SMAD7: variants seen among roughly 807,000 people sequenced by gnomAD.
SMAD7 encodes the protein SMAD family member 7.
Under a neutral mutation model 38.7 loss-of-function variants are expected in SMAD7, and 8 were observed. The ratio of observed to expected loss-of-function variants is 0.21; its 90% confidence interval spans 0.12 to 0.37. The LOEUF (loss-of-function observed/expected upper bound fraction) is 0.37, where lower values mean the gene tolerates loss of function less well. Ranked by LOEUF, SMAD7 falls within the 10% of genes least tolerant of loss-of-function variation. The pLI is 1.00. For synonymous variants in SMAD7, 327 were observed against 265.1 expected (o/e 1.23, Z -2.27); for missense variants, 477 against 577.9 (o/e 0.83, Z 1.79).
rs1325228098 is a variant in SMAD7, at chr18:48,921,735, CTTG to C, written c.915_917del (p.Asn305del). 8 of 1,614,070 alleles carry C rather than the reference CTTG, an allele frequency of 5.0e-6. No homozygotes were observed. Among genetic ancestry groups the C allele is most frequent in the Non-Finnish European group, 6.8e-6 (8 of 1,180,054 alleles). On this transcript the variant is annotated inframe_deletion, in exon 4 of 4. Transcript: ENST00000262158. The surrounding 1 kb of genome is among the most constrained non-coding windows in gnomAD (Gnocchi z 6.4). ...TCCGCACCTTCTGCACCAGCTGACT[CTTG>C]TTGTCCGAATTGAGCTGTCCGAGGC...
In SMAD7 at chr18:48,948,406, C is replaced by T. The variant is rs201983335; in HGVS notation, c.645G>A (p.Pro215=). 95 of 1,600,526 alleles carry T rather than the reference C, an allele frequency of 5.9e-5. No individual in the cohort carries two copies. Among genetic ancestry groups the T allele is most frequent in the Non-Finnish European group, 7.6e-5 (89 of 1,173,664 alleles). Residue 215 remains proline (P), a synonymous_variant, in exon 2 of 4, where the codon CCG becomes CCA. Coordinates refer to ENST00000262158, the MANE Select transcript of SMAD7 (RefSeq NM_005904.4). The stretch of plus-strand genomic sequence containing the variant: ...CACCAGTTGGTTTGAGAAAATCCAT[C>T]GGGTATCTGGAGTAAGGAGGGGGGG... ...ESPPPPYSRY[P]MDFLKPTADC...
intron 2 of SMAD7, among the ~76,000 whole-genome samples, chr18:48,946,658 C>G (rs1350234298): frequency 1.3e-5 from 2 of 152,204 alleles, no homozygotes; most frequent in African/African-American, 4.8e-5. Flanking sequence ...GAGAACTTTT[C>G]TCCCCCTTGG....
chr18:48,930,984 A>T (rs1283105455), intron 3 of SMAD7, among the ~76,000 whole-genome samples: 1 of 152,230 alleles, frequency 6.6e-6, no homozygotes, highest in Non-Finnish European at 1.5e-5. Context: ...TTCAGCCTTA[A>T]AAAAGAAGGA....
intron 3 of SMAD7, among the ~76,000 whole-genome samples, chr18:48,940,513 G>GGCC (rs2070125245): frequency 6.6e-6 from 1 of 151,918 alleles, no homozygotes; most frequent in Non-Finnish European, 1.5e-5. Flanking sequence ...CACTTGGGGA[G>GGCC]GAAAGGGTGG....
At chr18:48,945,377 G>C (rs762280180) in intron 2 of SMAD7, among the ~76,000 whole-genome samples, 1 of 152,114 alleles carries the variant, frequency 6.6e-6, no homozygotes, top group Non-Finnish European at 1.5e-5. Context: ...CAGGACAATG[G>C]TGTGAACCCA....
chr18:48,942,733 G>GACCACAGCACCTTGTCACC, intron 2 of SMAD7, 178 bp from the exon 3 acceptor site: 1 of 1,480,134 alleles, frequency 6.8e-7, no homozygotes, highest in Non-Finnish European at 8.9e-7. Context: ...TCGTAAGACA[G>GACCACAGCACCTTGTCACC]ACCACAGCAC....
intron 2 of SMAD7, among the ~76,000 whole-genome samples, chr18:48,946,135 T>C (rs1309426860): frequency 6.6e-6 from 1 of 152,150 alleles, no homozygotes; most frequent in Non-Finnish European, 1.5e-5. Context: ...CACCACCTTT[T>C]CCTAAGATGG....
At chr18:48,934,533 C>G (rs2337106) in intron 3 of SMAD7, among the ~76,000 whole-genome samples, 95,915 of 151,806 alleles carry the variant, frequency 0.63, 32,597 homozygotes, top group African/African-American at 0.9. Flanking sequence ...TGAGGACTCC[C>G]CAGCCAAACC....
At position 48,946,438 on chromosome 18, in the gene SMAD7, G is replaced by T. The variant is rs57555091; in HGVS notation, c.667+1946C>A. Among the ~76,000 whole-genome samples the T allele has an allele frequency of 4.5e-3, 676 of 151,130 alleles. 34 individuals carry two copies. In the East Asian group the frequency reaches 0.11, roughly 25 times the overall value. ...CAGACCTGTGAGGGGGGCGGGGGGGGTGTGCTCCAGCTCCAGACCTGGCTG... is the reference window on the plus strand; with the variant it reads ...CAGACCTGTGAGGGGGGCGGGGGGGTTGTGCTCCAGCTCCAGACCTGGCTG... On this transcript the variant is annotated intron_variant, in intron 2 of 3. Transcript: ENST00000262158.
chr18:48,930,699 C>T (rs192630943), intron 3 of SMAD7, among the ~76,000 whole-genome samples: 9 of 131,780 alleles, frequency 6.8e-5, no homozygotes, highest in Admixed American at 5.0e-4. Context: ...GCTCCCCCAC[C>T]GCATGCGATC....
At chr18:48,926,724 G>A (rs1002809828) in intron 3 of SMAD7, among the ~76,000 whole-genome samples, 21 of 152,292 alleles carry the variant, frequency 1.4e-4, no homozygotes, top group African/African-American at 4.6e-4. Flanking sequence ...CAGGTCCAGG[G>A]TCCTCCCTCC....
chr18:48,946,725 T>C (rs921575178), intron 2 of SMAD7, among the ~76,000 whole-genome samples: 4 of 152,202 alleles, frequency 2.6e-5, no homozygotes, highest in Non-Finnish European at 5.9e-5. Flanking sequence ...TGCTACCTAA[T>C]GTCAACACTT....
chr18:48,950,236 G>A lies in SMAD7; in HGVS notation c.189C>T (p.Gly63=). ...GACCTTTGGCACCTCGCACCGCCTT[G>A]CCCAGGCAGCATCCAGCCCTGCCCG... ...GGPGRAGCCL[G]KAVRGAKGHH... is the part of the protein sequence containing the mutation. The change falls in exon 1 of 4, where the codon GGC becomes GGT. Residue 63 remains glycine, a synonymous_variant. Transcript: ENST00000262158. The A allele has an allele frequency of 1.3e-6, 2 of 1,507,724 alleles. No homozygotes were observed. The highest frequency in any genetic ancestry group is 1.2e-5 in the South Asian group (1 of 80,802). The allele number at this position is 1,507,724 out of a possible 1,614,324, so 93.4% of individuals were successfully genotyped here.
At chr18:48,945,325 G>A (rs1278967725) in intron 2 of SMAD7, among the ~76,000 whole-genome samples, 5 of 152,210 alleles carry the variant, frequency 3.3e-5, no homozygotes, top group African/African-American at 1.2e-4. Flanking sequence ...AGCTGGGCAT[G>A]GTGACGGGCA....
chr18:48,949,170 C>A, intron 1 of SMAD7: 1 of 458,908 alleles, frequency 2.2e-6, no homozygotes, highest in Non-Finnish European at 2.9e-6. Context: ...CACCCAACTT[C>A]TCCTGCCTGT....
intron 3 of SMAD7, among the ~76,000 whole-genome samples, chr18:48,937,081 A>AT (rs2070076062): frequency 1.3e-5 from 2 of 151,400 alleles, no homozygotes; most frequent in African/African-American, 4.9e-5. Context: ...TCCATCTCGA[A>AT]TTAAAAAAAA....
At chr18:48,931,887 G>A (rs1275767052) in intron 3 of SMAD7, among the ~76,000 whole-genome samples, 1 of 152,212 alleles carries the variant, frequency 6.6e-6, no homozygotes, top group Non-Finnish European at 1.5e-5. Context: ...CCCCCTCCTG[G>A]GACTAGGGCA....
In SMAD7 at chr18:48,942,543, T is replaced by A. The variant is rs1323362574; in HGVS notation, c.680A>T (p.Asp227Val). ...DFLKPTADCPDAVPSSAETGG... is the reference protein window; with the variant it reads ...DFLKPTADCPVAVPSSAETGG... ...TGTTTCAGCGGAGGAAGGCACAGCA[T>A]CTGGACAGTCTGCTGTGGATTTGAA... Residue 227 changes from aspartate (D) to valine (V), a missense_variant, in exon 3 of 4, where the codon GAT (aspartate) becomes GTT (valine). Coordinates refer to ENST00000262158, the MANE Select transcript of SMAD7 (RefSeq NM_005904.4). The A allele has an allele frequency of 1.2e-6, 2 of 1,612,984 alleles. No individual in the cohort carries two copies. Among genetic ancestry groups the A allele is most frequent in the Non-Finnish European group, 1.7e-6 (2 of 1,179,356 alleles).
chr18:48,929,032 T>C (rs1322747071), intron 3 of SMAD7, among the ~76,000 whole-genome samples: 1 of 152,122 alleles, frequency 6.6e-6, no homozygotes, highest in Non-Finnish European at 1.5e-5. Flanking sequence ...CAGGCTCCTC[T>C]GAGAGAGGCC....
Sources: gnomAD v4.1 joint callset for allele counts (sites outside exome capture counted in the v4.1 genomes callset) on GRCh38, gnomAD v4.1.1 for gene constraint, Gnocchi (gnomAD v3.1) non-coding constraint, MANE v1.5 for transcripts, NCBI Gene and HGNC (gene_info 2026-07-23, HGNC 2026-07-21) for gene names.